The following RPS6KA5 variants were observed in gnomAD, a reference collection of about 807,000 sequenced individuals.
The protein encoded by RPS6KA5 is ribosomal protein S6 kinase A5.
A neutral mutation model predicts 85.5 loss-of-function variants in RPS6KA5; 27 were observed. The ratio of observed to expected loss-of-function variants is 0.32; its 90% CI spans 0.23 to 0.44. RPS6KA5 has a LOEUF of 0.44. Among genes scored for constraint, RPS6KA5 ranks in the 20% least tolerant of loss-of-function variants. The pLI is 1.00. For synonymous variants in RPS6KA5, 334 were observed against 348.2 expected, an observed-to-expected ratio of 0.96 and a Z score of 0.46; for missense variants, 811 against 980.9, an observed-to-expected ratio of 0.83 and a Z score of 2.31.
intron 12 of RPS6KA5, among the ~76,000 whole-genome samples, chr14:90,897,658 TC>T (rs2034914303): frequency 6.6e-6 from 1 of 152,202 alleles, no homozygotes; most frequent in Non-Finnish European, 1.5e-5. Context: ...TTTTAGTAAC[TC>T]CTGAATATAT....
At position 90,850,718 on chromosome 14, in the gene RPS6KA5, GA is replaced by G. The variant is rs1373701523; in HGVS notation, c.*21355del. The stretch of plus-strand genomic sequence containing the variant: ...CCAGGAAGGAATCTGCTTCCGGCAG[GA>G]AATTGCACTGGGTGAGCTCTAAGGC... On this transcript the variant is annotated 3_prime_UTR_variant, in exon 17 of 17. Coordinates refer to ENST00000614987, the MANE Select transcript of RPS6KA5 (RefSeq NM_004755.4). 6.6e-6 allele frequency: 1 copy of G among 152,228 alleles called. No homozygotes were observed. The highest frequency in any genetic ancestry group is 1.5e-5 in the Non-Finnish European group (1 of 68,048). The allele number at this position is 152,228 out of a possible 1,614,324, so 9.4% of individuals were successfully genotyped here. A position where few individuals can be genotyped will look rare whatever the true frequency, so the allele number is the denominator to read the frequency against.
chr14:91,006,034 G>C (rs1435982790), intron 1 of RPS6KA5, among the ~76,000 whole-genome samples: 1 of 152,182 alleles, frequency 6.6e-6, no homozygotes, highest in Non-Finnish European at 1.5e-5. Context: ...CTTTAGTCTA[G>C]TTGTGGGAAA....
intron 3 of RPS6KA5, among the ~76,000 whole-genome samples, chr14:90,977,248 G>C (rs900610114): frequency 6.6e-6 from 1 of 152,204 alleles, no homozygotes; most frequent in Non-Finnish European, 1.5e-5. Flanking sequence ...AATTCTAGGA[G>C]AGAGTTATAT....
intron 14 of RPS6KA5, among the ~76,000 whole-genome samples, chr14:90,878,250 T>C (rs999184813): frequency 6.6e-6 from 1 of 152,202 alleles, no homozygotes; most frequent in Admixed American, 6.5e-5. Context: ...TAAGAACCCT[T>C]TAAGAACACT....
chr14:90,891,344 C>A (rs1183264923), intron 13 of RPS6KA5, among the ~76,000 whole-genome samples: 1 of 151,518 alleles, frequency 6.6e-6, no homozygotes, highest in Non-Finnish European at 1.5e-5. Context: ...TCTCCAACAG[C>A]TAATACTTCA....
At chr14:91,058,639 A>T (rs2043434102) in intron 1 of RPS6KA5, among the ~76,000 whole-genome samples, 1 of 152,206 alleles carries the variant, frequency 6.6e-6, no homozygotes, top group South Asian at 2.1e-4. Context: ...CACAAATCCG[A>T]ATAAATGTAT....
intron 8 of RPS6KA5, among the ~76,000 whole-genome samples, chr14:90,905,648 A>C (rs2035456877): frequency 6.6e-6 from 1 of 152,150 alleles, no homozygotes; most frequent in Admixed American, 6.5e-5. Flanking sequence ...AATGAGTAAC[A>C]CTCTATGTGT....
intron 3 of RPS6KA5, among the ~76,000 whole-genome samples, chr14:90,976,021 C>A (rs1322037537): frequency 6.6e-6 from 1 of 151,790 alleles, no homozygotes; most frequent in African/African-American, 2.4e-5. Flanking sequence ...GGGCCAATGA[C>A]AAAGGCCAAA....
chr14:90,894,849 T>C (rs2034751559), intron 12 of RPS6KA5, among the ~76,000 whole-genome samples: 1 of 152,216 alleles, frequency 6.6e-6, no homozygotes, highest in Admixed American at 6.5e-5. Flanking sequence ...AATTCTTTCA[T>C]TTGCAGTGTT....
At chr14:91,013,746 A>C (rs1164056905) in intron 1 of RPS6KA5, among the ~76,000 whole-genome samples, 1 of 152,174 alleles carries the variant, frequency 6.6e-6, no homozygotes, top group African/African-American at 2.4e-5. Flanking sequence ...TAGAAAGACC[A>C]GCAGCAGCAG....
At chr14:90,885,767 A>AAAG (rs1566690695) in intron 14 of RPS6KA5, among the ~76,000 whole-genome samples, 18 of 139,954 alleles carry the variant, frequency 1.3e-4, no homozygotes, top group African/African-American at 4.9e-4. Flanking sequence ...AAAAAAAAAA[A>AAAG]AAAAAAGAAA....
At chr14:91,060,287 G>A in intron 1 of RPS6KA5, 45 bp downstream of exon 1, 1 of 1,152,474 alleles carries the variant, frequency 8.7e-7, no homozygotes. Context: ...GCCCTCAGGC[G>A]CGCCCCCGCG....
intron 7 of RPS6KA5, among the ~76,000 whole-genome samples, chr14:90,913,577 G>A (rs1263419800): frequency 6.6e-5 from 10 of 152,152 alleles, no homozygotes; most frequent in Non-Finnish European, 1.3e-4. Flanking sequence ...CTTGTTAGAC[G>A]TGCCTGGAAG....
intron 1 of RPS6KA5, among the ~76,000 whole-genome samples, chr14:91,053,519 G>T: frequency 6.6e-6 from 1 of 151,872 alleles, no homozygotes; most frequent in East Asian, 1.9e-4. Context: ...CAGGACACAA[G>T]GTAAAAACTG....
At chr14:90,981,608 A>G (rs961846096) in intron 2 of RPS6KA5, among the ~76,000 whole-genome samples, 1 of 152,264 alleles carries the variant, frequency 6.6e-6, no homozygotes, top group African/African-American at 2.4e-5. Flanking sequence ...GTTTCCCAAT[A>G]ATATGAATTA....
chr14:91,050,718 C>T (rs1163058221), intron 1 of RPS6KA5, among the ~76,000 whole-genome samples: 5 of 152,174 alleles, frequency 3.3e-5, no homozygotes, highest in African/African-American at 9.6e-5. Context: ...CGTGAGCCAC[C>T]GCGCCCAGCC....
At chr14:91,037,574 A>C (rs936991263) in intron 1 of RPS6KA5, among the ~76,000 whole-genome samples, 4 of 152,196 alleles carry the variant, frequency 2.6e-5, no homozygotes, top group African/African-American at 9.7e-5. Context: ...GTATGGTCAG[A>C]TAGTGTGTTC....
chr14:90,992,068 C>T (rs908346890), intron 2 of RPS6KA5, among the ~76,000 whole-genome samples: 3 of 151,940 alleles, frequency 2.0e-5, no homozygotes, highest in Non-Finnish European at 2.9e-5. Context: ...TCTGATGAGT[C>T]TTTCCTATTA....
intron 3 of RPS6KA5, among the ~76,000 whole-genome samples, chr14:90,967,107 C>T (rs2039101610): frequency 6.6e-6 from 1 of 152,032 alleles, no homozygotes; most frequent in Non-Finnish European, 1.5e-5. Context: ...TTAATGTGAC[C>T]CTTCCAAAAA....
Sources: gnomAD v4.1 joint callset for allele counts (sites outside exome capture counted in the v4.1 genomes callset) on GRCh38, gnomAD v4.1.1 for gene constraint, MANE v1.5 for transcripts, NCBI Gene and HGNC (gene_info 2026-07-23, HGNC 2026-07-21) for gene names.